Variants in LSAMP observed in about 807,000 individuals in gnomAD.
LSAMP encodes limbic system-associated membrane protein.
In LSAMP, 7 loss-of-function variants were observed where a neutral mutation model predicts 38.6. The observed-to-expected ratio is 0.18, with a 90% CI of 0.10 to 0.34. The LOEUF is 0.34. Among genes scored for constraint, LSAMP ranks in the 10% least tolerant of loss-of-function variants. The probability of loss-of-function intolerance (pLI) is 1.00; values close to 1 mark genes in which losing one functional copy is unlikely to be tolerated. For missense variants in LSAMP, 313 were observed against 420.0 expected, an observed-to-expected ratio of 0.75 and a Z score of 2.23; for synonymous variants, 154 against 166.8, an observed-to-expected ratio of 0.92 and a Z score of 0.59.
intron 1 of LSAMP, among the ~76,000 whole-genome samples, chr3:116,126,513 T>C (rs1298424756): frequency 6.6e-6 from 1 of 152,224 alleles, no homozygotes; most frequent in Admixed American, 6.5e-5. Context: ...CAGAGCACTA[T>C]GCTGCCTACT....
intron 4 of LSAMP, among the ~76,000 whole-genome samples, chr3:115,849,911 G>A (rs558314995): frequency 3.3e-5 from 5 of 152,168 alleles, no homozygotes; most frequent in Non-Finnish European, 7.4e-5. Flanking sequence ...TTGGAGAAAT[G>A]TTGAGGGCAG....
At chr3:116,336,366 A>G (rs774710826) in intron 1 of LSAMP, among the ~76,000 whole-genome samples, 1 of 152,042 alleles carries the variant, frequency 6.6e-6, no homozygotes, top group Non-Finnish European at 1.5e-5. Flanking sequence ...CTGTCTGATA[A>G]ATAATTAACA....
rs982749798 is a variant in LSAMP, at chr3:116,333,606, A to T, written c.155+111271T>A. ...AATAGATTGAAGTCAGAAATCAATA[A>T]AATAACTAAAACTAGAAAATTCACA... On this transcript the variant is annotated intron_variant, in intron 1 of 6. Coordinates refer to ENST00000490035, the MANE Select transcript of LSAMP (RefSeq NM_002338.5). 2.6e-5 allele frequency among the ~76,000 whole-genome samples: 4 copies of T among 152,082 alleles called. No individual in the cohort carries two copies. The South Asian group carries it at 6.2e-4, about 24-fold the overall frequency.
chr3:115,981,298 C>T (rs1447723823), intron 3 of LSAMP, among the ~76,000 whole-genome samples: 2 of 152,126 alleles, frequency 1.3e-5, no homozygotes, highest in East Asian at 1.9e-4. Flanking sequence ...AAAATTATTT[C>T]TCAGTCAAGT....
At chr3:116,243,409 C>T (rs765603726) in intron 1 of LSAMP, among the ~76,000 whole-genome samples, 1 of 152,212 alleles carries the variant, frequency 6.6e-6, no homozygotes, top group Non-Finnish European at 1.5e-5. Context: ...TGAGGACTAA[C>T]TGCCTGGGGC....
At chr3:115,929,342 TA>T (rs1251268465) in intron 3 of LSAMP, among the ~76,000 whole-genome samples, 2 of 152,196 alleles carry the variant, frequency 1.3e-5, no homozygotes, top group African/African-American at 2.4e-5. Flanking sequence ...GTGAGAACTA[TA>T]AATCTAGGCA....
intron 3 of LSAMP, among the ~76,000 whole-genome samples, chr3:115,946,587 A>T (rs1013867674): frequency 2.6e-5 from 4 of 152,214 alleles, no homozygotes; most frequent in African/African-American, 9.6e-5. Context: ...TTGGCACAAG[A>T]AATACCAGAA....
chr3:116,312,095 A>G (rs1218356446), intron 1 of LSAMP, among the ~76,000 whole-genome samples: 1 of 152,210 alleles, frequency 6.6e-6, no homozygotes, highest in African/African-American at 2.4e-5. Flanking sequence ...CATTCTTATC[A>G]AAAAGCTAGA....
intron 1 of LSAMP, among the ~76,000 whole-genome samples, chr3:116,410,827 A>G (rs915108701): frequency 1.3e-5 from 2 of 152,098 alleles, no homozygotes; most frequent in Admixed American, 1.3e-4. Flanking sequence ...CCTCCAAAGC[A>G]TAAGCAGAAA....
chr3:116,109,731 AAC>A lies in LSAMP; in HGVS notation c.156-23177_156-23176del, dbSNP rs1206486392. Among the ~76,000 whole-genome samples the A allele has an allele frequency of 2.6e-5, 4 of 152,148 alleles. No individual in the cohort carries two copies. In the East Asian group the frequency reaches 7.7e-4, roughly 29 times the overall value. On this transcript the variant is annotated intron_variant, in intron 1 of 6. Coordinates refer to ENST00000490035, the MANE Select transcript of LSAMP (RefSeq NM_002338.5). The stretch of plus-strand genomic sequence containing the variant: ...GTTGAAGAGGTTTTAAGTTCTTGAG[AAC>A]ACAGGCTGAGGGAGAAGGAGGAGGA...
intron 4 of LSAMP, among the ~76,000 whole-genome samples, chr3:115,850,128 A>G (rs144567056): frequency 6.6e-6 from 1 of 152,328 alleles, no homozygotes; most frequent in Non-Finnish European, 1.5e-5. Flanking sequence ...ATCACTAGCA[A>G]AAGCTCACAT....
At chr3:116,237,521 A>G (rs2046481007) in intron 1 of LSAMP, among the ~76,000 whole-genome samples, 1 of 152,200 alleles carries the variant, frequency 6.6e-6, no homozygotes, top group Admixed American at 6.5e-5. Context: ...CCAAATACTT[A>G]AGCTTCATGC....
intron 3 of LSAMP, among the ~76,000 whole-genome samples, chr3:115,940,122 T>C (rs1346956971): frequency 6.6e-6 from 1 of 152,148 alleles, no homozygotes; most frequent in Non-Finnish European, 1.5e-5. Flanking sequence ...TCTTGCTGAC[T>C]TCAGGAGTGA....
chr3:116,200,513 G>T (rs1209041592), intron 1 of LSAMP, among the ~76,000 whole-genome samples: 1 of 152,070 alleles, frequency 6.6e-6, no homozygotes, highest in African/African-American at 2.4e-5. Context: ...AGTCTAGCTT[G>T]CCAGACTTGC....
In LSAMP at chr3:115,873,136, A is replaced by G. The variant is rs147851452; in HGVS notation, c.515-20519T>C. 2.2e-4 allele frequency among the ~76,000 whole-genome samples: 34 copies of G among 152,178 alleles called. No homozygotes were observed. The East Asian group carries it at 6.6e-3, about 29-fold the overall frequency. ...TGTAATCCCAGCACTTTGGGAGGCC[A>G]AGGCAGGATGATCATCTGAGGTCAG... On this transcript the variant is annotated intron_variant, in intron 3 of 6. Coordinates refer to ENST00000490035, the MANE Select transcript of LSAMP (RefSeq NM_002338.5).
intron 1 of LSAMP, among the ~76,000 whole-genome samples, chr3:116,326,320 T>C (rs1284306523): frequency 1.3e-5 from 2 of 152,090 alleles, no homozygotes; most frequent in Admixed American, 1.3e-4. Flanking sequence ...AAAAATAACA[T>C]AATTGTTTTT....
intron 1 of LSAMP, among the ~76,000 whole-genome samples, chr3:116,240,122 A>G (rs1057032345): frequency 6.6e-6 from 1 of 152,218 alleles, no homozygotes; most frequent in Non-Finnish European, 1.5e-5. Context: ...ATTATAAGAA[A>G]GTACGGTTCT....
chr3:116,418,199 C>T (rs2049076007), intron 1 of LSAMP, among the ~76,000 whole-genome samples: 1 of 152,136 alleles, frequency 6.6e-6, no homozygotes, highest in Admixed American at 6.5e-5. Context: ...AATCTTTCTT[C>T]CACTATACCG....
At chr3:116,213,502 C>T (rs897681207) in intron 1 of LSAMP, among the ~76,000 whole-genome samples, 1 of 152,180 alleles carries the variant, frequency 6.6e-6, no homozygotes, top group Admixed American at 6.5e-5. Flanking sequence ...GTAAAGTGCT[C>T]AGTCTTGGGT....
Sources: allele counts gnomAD v4.1 joint callset (sites outside exome capture counted in the v4.1 genomes callset), GRCh38; gene constraint gnomAD v4.1.1; transcripts MANE v1.5; gene names NCBI Gene and HGNC (gene_info 2026-07-23, HGNC 2026-07-21).